Variants in RBFOX1 observed in about 807,000 individuals in gnomAD.
RBFOX1 encodes RNA binding fox-1 homolog 1, also known as RNA binding protein fox-1 homolog 1.
RBFOX1 carries 8 observed loss-of-function variants against 57.7 expected under a neutral mutation model. The observed-to-expected ratio is 0.14, with a 90% CI of 0.08 to 0.25. RBFOX1 has a LOEUF of 0.25. Among genes scored for constraint, RBFOX1 ranks in the 10% least tolerant of loss-of-function variants. The pLI, the probability that RBFOX1 is intolerant of heterozygous loss-of-function variation, is 1.00. For missense variants in RBFOX1, 611 were observed against 548.5 expected, an observed-to-expected ratio of 1.11 and a Z score of -1.14; for synonymous variants, 326 against 222.4, an observed-to-expected ratio of 1.47 and a Z score of -4.15.
At chr16:6,588,745 A>G (rs1052972108) in intron 2 of RBFOX1, among the ~76,000 whole-genome samples, 59 of 152,188 alleles carry the variant, frequency 3.9e-4, no homozygotes, top group African/African-American at 1.4e-3. Context: ...ATTTTCTTGT[A>G]GAACATCTGA....
At chr16:7,297,636 T>TA (rs951392306) in intron 4 of RBFOX1, among the ~76,000 whole-genome samples, 15 of 151,922 alleles carry the variant, frequency 9.9e-5, no homozygotes, top group African/African-American at 3.1e-4. Flanking sequence ...TTACCACCAT[T>TA]AAAAAAAATT....
intron 1 of RBFOX1, among the ~76,000 whole-genome samples, chr16:5,375,264 G>A (rs2065956487): frequency 6.6e-6 from 1 of 152,124 alleles, no homozygotes; most frequent in Non-Finnish European, 1.5e-5. Flanking sequence ...ATTGACCATG[G>A]AAGCTGTTTT....
intron 14 of RBFOX1, chr16:7,693,412 T>A: frequency 7.5e-7 from 1 of 1,328,526 alleles, no homozygotes. Context: ...CAAGTCTCAG[T>A]ATCCTTTTTT....
chr16:5,677,031 A>G (rs963235554), intron 3 of RBFOX1, among the ~76,000 whole-genome samples: 3 of 152,228 alleles, frequency 2.0e-5, no homozygotes, highest in African/African-American at 7.2e-5. Context: ...TTTCTTTTAG[A>G]AAATCAACTA....
chr16:6,976,475 A>G (rs546526013), intron 3 of RBFOX1, among the ~76,000 whole-genome samples: 1 of 152,034 alleles, frequency 6.6e-6, no homozygotes, highest in South Asian at 2.1e-4. Context: ...CTGATTTAGA[A>G]CCCAAGAGGG....
intron 4 of RBFOX1, among the ~76,000 whole-genome samples, chr16:7,476,163 C>G (rs1203977874): frequency 6.6e-6 from 1 of 151,908 alleles, no homozygotes; most frequent in African/African-American, 2.4e-5. Flanking sequence ...ACTAGAGATG[C>G]TGTTTTGCCA....
chr16:6,748,261 CTCTT>C lies in RBFOX1; in HGVS notation c.-16+93615_-16+93618del, dbSNP rs1435611488. Among the ~76,000 whole-genome samples, 3 of 152,134 alleles carry C rather than the reference CTCTT, an allele frequency of 2.0e-5. No individual in the cohort carries two copies. The South Asian group carries it at 6.2e-4, about 32-fold the overall frequency. ...AAGTATACAGACCCAGCCTTCTTTT[CTCTT>C]TCTCTCTCTCTCTCTCTACACACAC... On this transcript the variant is annotated intron_variant, in intron 3 of 15. Coordinates refer to ENST00000550418, the MANE Select transcript of RBFOX1 (RefSeq NM_018723.4).
rs1602156282 is a variant in RBFOX1 at position 7,572,063 on chromosome 16, G to A, written c.271-7714G>A. 2.6e-5 allele frequency among the ~76,000 whole-genome samples: 4 copies of A among 152,242 alleles called. No homozygotes were observed. In the South Asian group the frequency reaches 8.3e-4, roughly 32 times the overall value. ...AATCGCTTGAACCTGGCAGACGGAG[G>A]TTGCAGTGAACCAAGATCGCACCAT... On this transcript the variant is annotated intron_variant, in intron 5 of 15. Coordinates refer to ENST00000550418, the MANE Select transcript of RBFOX1 (RefSeq NM_018723.4).
At chr16:6,760,305 A>G (rs1011608276) in intron 3 of RBFOX1, among the ~76,000 whole-genome samples, 2 of 152,166 alleles carry the variant, frequency 1.3e-5, no homozygotes, top group South Asian at 2.1e-4. Context: ...ATTGGCACCT[A>G]TGTTTCTGTT....
intron 2 of RBFOX1, among the ~76,000 whole-genome samples, chr16:6,404,123 G>GA (rs2093185902): frequency 2.0e-5 from 3 of 151,884 alleles, no homozygotes; most frequent in Admixed American, 2.0e-4. Context: ...ACCACAGATC[G>GA]AAAAAATATA....
chr16:5,486,650 A>G (rs920897125), intron 2 of RBFOX1, among the ~76,000 whole-genome samples: 2 of 152,188 alleles, frequency 1.3e-5, no homozygotes, highest in Non-Finnish European at 2.9e-5. Context: ...TGACTTGTCC[A>G]TCAGGTCTCA....
At chr16:5,871,958 C>A (rs1313510385) in intron 4 of RBFOX1, among the ~76,000 whole-genome samples, 1 of 152,134 alleles carries the variant, frequency 6.6e-6, no homozygotes, top group African/African-American at 2.4e-5. Context: ...ACTCAGTGGC[C>A]TTGGGAGAAT....
chr16:6,927,959 C>T (rs939313539), intron 3 of RBFOX1, among the ~76,000 whole-genome samples: 10 of 152,178 alleles, frequency 6.6e-5, no homozygotes, highest in African/African-American at 1.9e-4. Flanking sequence ...AAGGTAGTTG[C>T]ATCTCCGTAA....
intron 10 of RBFOX1, among the ~76,000 whole-genome samples, chr16:7,626,008 A>G (rs542654666): frequency 2.0e-5 from 3 of 152,192 alleles, no homozygotes; most frequent in Non-Finnish European, 2.9e-5. Flanking sequence ...TTTTAAAAAG[A>G]AGAGAAAGGA....
chr16:7,465,838 T>C (rs902006042), intron 4 of RBFOX1, among the ~76,000 whole-genome samples: 2 of 152,220 alleles, frequency 1.3e-5, no homozygotes, highest in African/African-American at 4.8e-5. Flanking sequence ...AGTGCTGGAA[T>C]AACTGATGTC....
chr16:6,064,529 A>AATT (rs1372593408), intron 1 of RBFOX1, among the ~76,000 whole-genome samples: 1 of 151,956 alleles, frequency 6.6e-6, no homozygotes, highest in African/African-American at 2.4e-5. Context: ...GAATACATAC[A>AATT]ATTTTCTTTT....
At chr16:5,644,313 G>T (rs2048978080) in intron 3 of RBFOX1, among the ~76,000 whole-genome samples, 1 of 152,180 alleles carries the variant, frequency 6.6e-6, no homozygotes, top group Non-Finnish European at 1.5e-5. Flanking sequence ...GACTTGAATG[G>T]TGCCAGAGAT....
intron 3 of RBFOX1, among the ~76,000 whole-genome samples, chr16:5,671,983 G>T (rs768394914): frequency 6.6e-6 from 1 of 152,154 alleles, no homozygotes; most frequent in African/African-American, 2.4e-5. Context: ...ATAAAAGCCT[G>T]TCCTATGTTC....
At chr16:6,073,022 T>C (rs2095855336) in intron 1 of RBFOX1, among the ~76,000 whole-genome samples, 1 of 152,214 alleles carries the variant, frequency 6.6e-6, no homozygotes, top group South Asian at 2.1e-4. Flanking sequence ...TGTGAAAGGC[T>C]AGTGTATTTA....
Sources: allele counts gnomAD v4.1 joint callset (sites outside exome capture counted in the v4.1 genomes callset), GRCh38; gene constraint gnomAD v4.1.1; transcripts MANE v1.5; gene names NCBI Gene and HGNC (gene_info 2026-07-23, HGNC 2026-07-21).